BDP1: variants seen among roughly 807,000 people sequenced by gnomAD.
The protein encoded by BDP1 is transcription factor TFIIIB component B'' homolog.
A neutral mutation model predicts 266.6 loss-of-function variants in BDP1; 169 were observed. That is an observed-to-expected ratio of 0.63 (90% CI 0.56 to 0.72). BDP1 has a LOEUF of 0.72. Ranked by LOEUF, BDP1 falls within the 30% of genes least tolerant of loss-of-function variation. The pLI, the probability that BDP1 is intolerant of heterozygous loss-of-function variation, is 0.00. For synonymous variants in BDP1, 1,090 were observed against 1,022.4 expected (o/e 1.07, Z -1.26); for missense variants, 3,015 against 3,053.8 (o/e 0.99, Z 0.30).
Position 71,455,917 on chromosome 5 carries a change from A to T in BDP1, c.40A>T (p.Arg14Trp). ...RARLSVKPNV[R>W]PGVGARGSTA... is the part of the protein sequence containing the mutation. ...ACGCCTTAGCGTGAAGCCGAATGTC[A>T]GGCCTGGTGTAGGCGCCAGGGGCTC... The change falls in exon 1 of 39, where the codon AGG becomes TGG. Residue 14 changes from arginine (R) to tryptophan (W), a missense_variant. Arg to Trp is a moderately radical substitution (Grantham distance 101, BLOSUM62 -3). Around this residue, in one of 3 missense-constraint regions of BDP1, gnomAD observed 2,383 missense variants for 2,404.9 expected, o/e 0.99. Coordinates refer to ENST00000358731, the MANE Select transcript of BDP1 (RefSeq NM_018429.3). The T allele has an allele frequency of 6.2e-7, 1 of 1,608,686 alleles. No individual in the cohort carries two copies.
chr5:71,472,212 G>A (rs561678828), intron 7 of BDP1, among the ~76,000 whole-genome samples: 1 of 152,328 alleles, frequency 6.6e-6, no homozygotes, highest in Non-Finnish European at 1.5e-5. Context: ...TGTAATCCCA[G>A]CACTTTGGGA....
At chr5:71,471,576 AGT>A (rs1176186450) in intron 7 of BDP1, among the ~76,000 whole-genome samples, 7 of 152,238 alleles carry the variant, frequency 4.6e-5, no homozygotes, top group Non-Finnish European at 1.0e-4. Flanking sequence ...TGGGACAACC[AGT>A]GGCACTAATA....
At chr5:71,458,463 T>A in intron 1 of BDP1, 116 bp from the exon 2 acceptor site, 2 of 336,970 alleles carry the variant, frequency 5.9e-6, no homozygotes, top group Non-Finnish European at 1.0e-5. Flanking sequence ...AAGTTACTAA[T>A]TTTTTTTTTT....
chr5:71,499,870 G>T (rs149311403), intron 13 of BDP1, among the ~76,000 whole-genome samples: 4 of 152,156 alleles, frequency 2.6e-5, no homozygotes, highest in Non-Finnish European at 5.9e-5. Flanking sequence ...CTAGAGACGG[G>T]TGGGATCGTT....
chr5:71,503,653 A>G (rs1397570321), intron 15 of BDP1, among the ~76,000 whole-genome samples: 1 of 152,078 alleles, frequency 6.6e-6, no homozygotes, highest in Non-Finnish European at 1.5e-5. Flanking sequence ...ATGTTTTGAG[A>G]TTTCAATTTC....
rs905567832 is a variant in BDP1, at chr5:71,486,753, G to A, written c.1213+126G>A. On this transcript the variant is annotated intron_variant, in intron 9 of 38. Transcript: ENST00000358731. ...AAGATCATCAAAGCATCCAGTTGGAGGGAGTATATGTTTTTTCAATCAACT... is the reference window on the plus strand; with the variant it reads ...AAGATCATCAAAGCATCCAGTTGGAAGGAGTATATGTTTTTTCAATCAACT... 7.0e-6 allele frequency: 5 copies of A among 712,786 alleles called. No individual in the cohort carries two copies. In the African/African-American group the frequency reaches 7.5e-5, roughly 11 times the overall value. The allele number at this position is 712,786 out of a possible 1,614,324, so 44.2% of individuals were successfully genotyped here. A position where few individuals can be genotyped will look rare whatever the true frequency, so the allele number is the denominator to read the frequency against.
chr5:71,558,635 G>A (rs897645303), intron 36 of BDP1, among the ~76,000 whole-genome samples: 3 of 152,012 alleles, frequency 2.0e-5, no homozygotes, highest in Non-Finnish European at 4.4e-5. Context: ...AGACCAGCCT[G>A]GCCAACATGG....
At chr5:71,572,716 G>A (rs147112005), downstream of BDP1, among the ~76,000 whole-genome samples, 122 of 152,266 alleles carry the variant, frequency 8.0e-4, 1 homozygote, top group Non-Finnish European at 1.4e-3. Flanking sequence ...TGGTTTCCAC[G>A]GCTTATTAAA....
chr5:71,488,575 A>G (rs779584787), intron 9 of BDP1, among the ~76,000 whole-genome samples: 1 of 149,176 alleles, frequency 6.7e-6, no homozygotes, highest in Non-Finnish European at 1.5e-5. Context: ...ATTACAGGCA[A>G]GTACCACCAC....
chr5:71,477,633 T>C (rs1296120143), intron 7 of BDP1, among the ~76,000 whole-genome samples: 1 of 151,658 alleles, frequency 6.6e-6, no homozygotes, highest in African/African-American at 2.4e-5. Flanking sequence ...TCTTTTTTTT[T>C]TTTGATATAG....
At chr5:71,564,408 T>C (rs948033733) in intron 38 of BDP1, among the ~76,000 whole-genome samples, 2 of 152,144 alleles carry the variant, frequency 1.3e-5, no homozygotes, top group African/African-American at 4.8e-5. Flanking sequence ...TTAAAATTTT[T>C]CATGGAAATT....
the BDP1 span, among the ~76,000 whole-genome samples, chr5:71,574,512 C>T: frequency 3.3e-5 from 5 of 152,308 alleles, no homozygotes; most frequent in Admixed American, 6.5e-5. Context: ...ATTAGATCTA[C>T]CCGCTAGAGA....
At chr5:71,519,621 C>T (rs1021017538) in intron 22 of BDP1, among the ~76,000 whole-genome samples, 2 of 152,172 alleles carry the variant, frequency 1.3e-5, no homozygotes, top group Non-Finnish European at 2.9e-5. Flanking sequence ...CCATCTATGT[C>T]ACTGTGAATG....
At chr5:71,523,297 T>C (rs921729654) in intron 24 of BDP1, among the ~76,000 whole-genome samples, 1 of 152,184 alleles carries the variant, frequency 6.6e-6, no homozygotes, top group Non-Finnish European at 1.5e-5. Context: ...TGATCTCATA[T>C]TCTGTATTTA....
At chr5:71,548,112 A>G (rs1365766811) in intron 32 of BDP1, among the ~76,000 whole-genome samples, 4 of 151,846 alleles carry the variant, frequency 2.6e-5, no homozygotes, top group African/African-American at 9.7e-5. Context: ...GCAAAACCCC[A>G]TCTCTACCCT....
Position 71,565,923 on chromosome 5 carries a change from A to G in BDP1, c.*1038A>G, listed in dbSNP as rs1210164531. The G allele has an allele frequency of 6.1e-6, 1 of 163,228 alleles. No individual in the cohort carries two copies. Among genetic ancestry groups the G allele is most frequent in the Non-Finnish European group, 1.4e-5 (1 of 73,734 alleles). The allele number at this position is 163,228 out of a possible 1,614,324, so 10.1% of individuals were successfully genotyped here. A position where few individuals can be genotyped will look rare whatever the true frequency, so the allele number is the denominator to read the frequency against. On this transcript the variant is annotated 3_prime_UTR_variant, in exon 39 of 39. Transcript: ENST00000358731. The stretch of plus-strand genomic sequence containing the variant: ...CACATCAAAGGGCTTATTTATTTTT[A>G]AATTTTTTATTTAAAAGGATATTCA...
chr5:71,510,509 G>GGA lies in BDP1; in HGVS notation c.3418_3419dup (p.Ile1141LysfsTer2). ...CACCAGAGGTGATTGATGCCACTGA[G>GGA]GAAATAGACAAAGATCTGGAAGAAA... On this transcript the variant is annotated frameshift_variant, in exon 17 of 39. Coordinates refer to ENST00000358731, the MANE Select transcript of BDP1 (RefSeq NM_018429.3). LOFTEE classifies it high-confidence loss of function. 6.2e-7 allele frequency: 1 copy of GGA among 1,613,738 alleles called. No homozygotes were observed. Among genetic ancestry groups the GGA allele is most frequent in the Non-Finnish European group, 8.5e-7 (1 of 1,179,956 alleles).
chr5:71,483,532 A>T (rs2150395779), intron 7 of BDP1, among the ~76,000 whole-genome samples: 1 of 152,346 alleles, frequency 6.6e-6, no homozygotes, highest in South Asian at 2.1e-4. Context: ...TTAAAAGTTA[A>T]TACCAGTGAG....
At chr5:71,571,969 C>A (rs1191797551), downstream of BDP1, among the ~76,000 whole-genome samples, 3 of 152,184 alleles carry the variant, frequency 2.0e-5, no homozygotes, top group Non-Finnish European at 4.4e-5. Context: ...GATCAAAGAG[C>A]AAACTGTTTA....
Sources: gnomAD v4.1 joint callset for allele counts (sites outside exome capture counted in the v4.1 genomes callset) on GRCh38, gnomAD v4.1.1 for gene constraint, gnomAD v4.1.1 regional missense constraint, MANE v1.5 for transcripts, NCBI Gene and HGNC (gene_info 2026-07-23, HGNC 2026-07-21) for gene names.